Variants in MCUB observed in about 807,000 individuals in gnomAD.
The protein encoded by MCUB is mitochondrial calcium uniporter dominant negative subunit beta.
MCUB carries 46 observed loss-of-function variants against 41.4 expected under a neutral mutation model. The ratio of observed to expected loss-of-function variants is 1.11; its 90% CI spans 0.88 to 1.42. The LOEUF (loss-of-function observed/expected upper bound fraction) is 1.42. MCUB is among the 40% of genes most tolerant of loss of function. The pLI, the probability that MCUB is intolerant of heterozygous loss-of-function variation, is 0.00. For missense variants in MCUB, 403 were observed against 404.9 expected (o/e 1.00, Z 0.04); for synonymous variants, 148 against 148.2 (o/e 1.00, Z 0.01).
intron 3 of MCUB, among the ~76,000 whole-genome samples, chr4:109,663,438 A>T (rs1287091583): frequency 2.6e-5 from 4 of 152,012 alleles, no homozygotes; most frequent in African/African-American, 9.7e-5. Context: ...TTCCTGAAAT[A>T]CTCCTAGGAT....
At chr4:109,636,153 G>A (rs775318896) in intron 1 of MCUB, among the ~76,000 whole-genome samples, 4 of 152,118 alleles carry the variant, frequency 2.6e-5, no homozygotes, top group Non-Finnish European at 5.9e-5. Flanking sequence ...AGGGGATTAA[G>A]GGTCACATAG....
At chr4:109,609,873 C>T (rs1241191417) in intron 1 of MCUB, among the ~76,000 whole-genome samples, 1 of 152,128 alleles carries the variant, frequency 6.6e-6, no homozygotes, top group African/African-American at 2.4e-5. Context: ...GTGAGTTCCC[C>T]GAGGGCGAAG....
chr4:109,585,726 A>G (rs1727290944), intron 1 of MCUB, among the ~76,000 whole-genome samples: 1 of 152,220 alleles, frequency 6.6e-6, no homozygotes, highest in Admixed American at 6.5e-5. Flanking sequence ...TTGGCTGGAT[A>G]TGAAATTCTG....
At chr4:109,615,445 T>G (rs1330657781) in intron 1 of MCUB, among the ~76,000 whole-genome samples, 1 of 149,954 alleles carries the variant, frequency 6.7e-6, no homozygotes, top group African/African-American at 2.5e-5. Flanking sequence ...TCGCTCTAGC[T>G]CCCAGGCTGG....
chr4:109,599,981 A>AC (rs1196500489), intron 1 of MCUB, among the ~76,000 whole-genome samples: 1 of 152,116 alleles, frequency 6.6e-6, no homozygotes. Context: ...TGATATTTAG[A>AC]GTCTGAAGTG....
intron 4 of MCUB, among the ~76,000 whole-genome samples, chr4:109,677,123 A>G (rs1729591308): frequency 6.6e-6 from 1 of 152,240 alleles, no homozygotes; most frequent in African/African-American, 2.4e-5. Context: ...TATGAATTCA[A>G]AGATTGTTCT....
chr4:109,677,862 G>T (rs1048237350), intron 4 of MCUB, among the ~76,000 whole-genome samples: 6 of 137,276 alleles, frequency 4.4e-5, no homozygotes, highest in Non-Finnish European at 9.2e-5. Context: ...GTGTTTCTCG[G>T]AGAGGGGGAT....
chr4:109,580,898 G>A (rs528487280), intron 1 of MCUB, among the ~76,000 whole-genome samples: 11 of 151,248 alleles, frequency 7.3e-5, no homozygotes, highest in South Asian at 4.2e-4. Flanking sequence ...CCATTTGTCC[G>A]AACATTCCAT....
rs143489433 is a variant in MCUB at position 109,605,958 on chromosome 4, T to TTTTG, written c.99+45550_99+45553dup. On this transcript the variant is annotated intron_variant, in intron 1 of 7. Coordinates refer to ENST00000394650, the MANE Select transcript of MCUB (RefSeq NM_017918.5). ...AGGCAGTAGATCACTGGGCCTGGGT[T>TTTTG]TTTGTTTGTTTGTTTGTTTGTTTGT... Among the ~76,000 whole-genome samples, 665 of 151,000 alleles carry TTTTG rather than the reference T, an allele frequency of 4.4e-3. 7 individuals carry two copies. Among genetic ancestry groups the TTTTG allele is most frequent in the East Asian group, 0.016 (80 of 5,118 alleles).
At chr4:109,663,078 G>A (rs1250236256) in intron 3 of MCUB, among the ~76,000 whole-genome samples, 1 of 152,182 alleles carries the variant, frequency 6.6e-6, no homozygotes, top group Non-Finnish European at 1.5e-5. Flanking sequence ...AGAGGCAGCA[G>A]CCAGTTTCTT....
intron 1 of MCUB, among the ~76,000 whole-genome samples, chr4:109,608,206 T>C (rs1727923557): frequency 6.6e-6 from 1 of 152,210 alleles, no homozygotes; most frequent in Non-Finnish European, 1.5e-5. Flanking sequence ...GTCCATTGTA[T>C]TCTTCAACTC....
intron 1 of MCUB, among the ~76,000 whole-genome samples, chr4:109,603,129 C>T (rs778020958): frequency 9.2e-5 from 14 of 152,316 alleles, no homozygotes; most frequent in African/African-American, 2.2e-4. Context: ...TGCCGCTCTC[C>T]GCGGTCTCCC....
At chr4:109,662,539 G>A (rs1344694391) in intron 3 of MCUB, among the ~76,000 whole-genome samples, 3 of 152,180 alleles carry the variant, frequency 2.0e-5, no homozygotes, top group Admixed American at 6.5e-5. Flanking sequence ...TTAGAGAAAA[G>A]GGACTCTTTG....
intron 1 of MCUB, among the ~76,000 whole-genome samples, chr4:109,638,412 A>T (rs1474435570): frequency 1.2e-4 from 4 of 32,486 alleles, no homozygotes; most frequent in Non-Finnish European, 1.8e-4. Context: ...CATTATATCT[A>T]AAAAAAAAAA....
intron 1 of MCUB, 119 bp downstream of exon 1, chr4:109,560,555 C>T: frequency 2.1e-6 from 1 of 477,594 alleles, no homozygotes; most frequent in South Asian, 1.1e-4. Context: ...TTGCTGGCTG[C>T]CGGGCTCCGC....
At position 109,686,964 on chromosome 4, in the gene MCUB, G is replaced by GT. The variant is rs149021049; in HGVS notation, c.934-541dup. Among the ~76,000 whole-genome samples the GT allele has an allele frequency of 7.3e-3, 1,086 of 148,558 alleles. 11 individuals carry two copies. The highest frequency in any genetic ancestry group is 0.017 in the Middle Eastern group (5 of 286). The stretch of plus-strand genomic sequence containing the variant: ...AAAAAGATAAAGTGGTAGGTTAAGG[G>GT]TTTTTTTTTTAAGAATATTAAGTGG... On this transcript the variant is annotated intron_variant, in intron 7 of 7. Coordinates refer to ENST00000394650, the MANE Select transcript of MCUB (RefSeq NM_017918.5).
chr4:109,619,672 A>G (rs1728212744), intron 1 of MCUB, among the ~76,000 whole-genome samples: 1 of 152,152 alleles, frequency 6.6e-6, no homozygotes, highest in South Asian at 2.1e-4. Context: ...GCACCACTGC[A>G]CTCCAGCCTG....
intron 1 of MCUB, among the ~76,000 whole-genome samples, chr4:109,563,836 C>T (rs763972277): frequency 1.3e-5 from 2 of 152,194 alleles, no homozygotes; most frequent in Non-Finnish European, 2.9e-5. Flanking sequence ...ATCCTCCTGC[C>T]TCAGCCTCCC....
In MCUB at chr4:109,611,723, TTTC is replaced by T. The variant is rs1245182951; in HGVS notation, c.100-47285_100-47283del. Among the ~76,000 whole-genome samples the T allele has an allele frequency of 1.2e-4, 19 of 152,324 alleles. No homozygotes were observed. In the East Asian group the frequency reaches 3.7e-3, roughly 29 times the overall value. ...AGACATGTATTTCTTTTTCTCTCTT[TTTC>T]TTTTCTCTCTGTTAAAAAAAAGGCT... On this transcript the variant is annotated intron_variant, in intron 1 of 7. Coordinates refer to ENST00000394650, the MANE Select transcript of MCUB (RefSeq NM_017918.5).
Sources: allele counts gnomAD v4.1 joint callset (sites outside exome capture counted in the v4.1 genomes callset), GRCh38; gene constraint gnomAD v4.1.1; transcripts MANE v1.5; gene names NCBI Gene and HGNC (gene_info 2026-07-23, HGNC 2026-07-21).